CSMD1: variants seen among roughly 807,000 people sequenced by gnomAD.
CSMD1 encodes the protein CUB and sushi domain-containing protein 1.
CSMD1 carries 213 observed loss-of-function variants against 417.5 expected under a neutral mutation model. That is an observed-to-expected ratio of 0.51 (90% CI 0.46 to 0.57). The LOEUF is 0.57. Ranked by LOEUF, CSMD1 falls within the 20% of genes least tolerant of loss-of-function variation. The pLI is 0.00. For synonymous variants in CSMD1, 2,862 were observed against 1,736.8 expected (o/e 1.65, Z -16.11); for missense variants, 6,923 against 4,529.7 (o/e 1.53, Z -15.17).
chr8:2,996,276 G>C (rs990961407), intron 54 of CSMD1, among the ~76,000 whole-genome samples: 1 of 152,084 alleles, frequency 6.6e-6, no homozygotes, highest in Non-Finnish European at 1.5e-5. Context: ...ACGTAATTTA[G>C]TAATTTACCA....
At chr8:4,708,425 G>A (rs568565852) in intron 1 of CSMD1, among the ~76,000 whole-genome samples, 8 of 152,248 alleles carry the variant, frequency 5.3e-5, no homozygotes, top group East Asian at 1.9e-4. Context: ...AAGTAAAACT[G>A]CTAATAGTTT....
At chr8:3,039,166 G>C (rs1044377503) in intron 50 of CSMD1, among the ~76,000 whole-genome samples, 1 of 151,600 alleles carries the variant, frequency 6.6e-6, no homozygotes, top group Admixed American at 6.6e-5. Flanking sequence ...TGAATTACAA[G>C]AAGGTATATT....
intron 2 of CSMD1, among the ~76,000 whole-genome samples, chr8:4,541,746 A>G (rs80303270): frequency 0.017 from 2,564 of 152,214 alleles, 60 homozygotes; most frequent in African/African-American, 0.053. Flanking sequence ...ATAAATAAAT[A>G]AATAAGATAA....
intron 4 of CSMD1, among the ~76,000 whole-genome samples, chr8:4,014,397 A>G (rs534156621): frequency 1.3e-5 from 2 of 152,322 alleles, no homozygotes; most frequent in Non-Finnish European, 2.9e-5. Flanking sequence ...AGAAGTGTGT[A>G]TGATTTAACA....
intron 5 of CSMD1, among the ~76,000 whole-genome samples, chr8:3,889,792 C>T (rs546243439): frequency 6.6e-6 from 1 of 151,876 alleles, no homozygotes. Flanking sequence ...ATATAGGTAT[C>T]CCATACTCTT....
chr8:4,795,444 G>C (rs1797926298), intron 1 of CSMD1, among the ~76,000 whole-genome samples: 2 of 151,284 alleles, frequency 1.3e-5, no homozygotes, highest in African/African-American at 2.4e-5. Context: ...GCTAACTTTT[G>C]TATTTTTAGT....
intron 3 of CSMD1, 104 bp downstream of exon 3, chr8:4,419,849 C>G: frequency 1.3e-6 from 1 of 777,056 alleles, no homozygotes; most frequent in South Asian, 1.6e-5. Context: ...CACCACGGAA[C>G]GACCTGCGAC....
rs867163024 is a variant in CSMD1, at chr8:3,572,057, T to C, written c.1344+2888A>G. Reference sequence around the variant, plus strand: ...GATGGAAAGAAATTCCACCTGTGAGTGGTATACTGAGTCGGTGTCCCTGCA... The same window carrying C: ...GATGGAAAGAAATTCCACCTGTGAGCGGTATACTGAGTCGGTGTCCCTGCA... On this transcript the variant is annotated intron_variant, in intron 10 of 69. Coordinates refer to ENST00000635120, the MANE Select transcript of CSMD1 (RefSeq NM_033225.6). 2.0e-5 allele frequency among the ~76,000 whole-genome samples: 3 copies of C among 151,944 alleles called. No homozygotes were observed. In the East Asian group the frequency reaches 5.8e-4, roughly 29 times the overall value.
At chr8:3,990,750 G>A (rs982649355) in intron 5 of CSMD1, among the ~76,000 whole-genome samples, 1 of 152,136 alleles carries the variant, frequency 6.6e-6, no homozygotes, top group Non-Finnish European at 1.5e-5. Flanking sequence ...AGAGTTGCAG[G>A]GGCACCTGCT....
intron 26 of CSMD1, among the ~76,000 whole-genome samples, chr8:3,261,250 C>T (rs1317191234): frequency 5.3e-5 from 8 of 152,258 alleles, no homozygotes; most frequent in East Asian, 1.9e-4. Flanking sequence ...AACAGAATCA[C>T]GTACGCGTTG....
chr8:4,051,780 C>G (rs988111347), intron 3 of CSMD1, among the ~76,000 whole-genome samples: 1 of 152,114 alleles, frequency 6.6e-6, no homozygotes, highest in South Asian at 2.1e-4. Flanking sequence ...TCCCAGTGTC[C>G]CAGGTGTGAT....
At chr8:3,787,068 G>C (rs1020218889) in intron 5 of CSMD1, among the ~76,000 whole-genome samples, 3 of 152,100 alleles carry the variant, frequency 2.0e-5, no homozygotes, top group Non-Finnish European at 2.9e-5. Context: ...TCTGAGTTTA[G>C]AGTGTGTTTA....
intron 2 of CSMD1, among the ~76,000 whole-genome samples, chr8:4,480,886 T>G (rs528885739): frequency 6.6e-6 from 1 of 152,174 alleles, no homozygotes; most frequent in Admixed American, 6.5e-5. Flanking sequence ...AGATCTAGAT[T>G]CCTGGGGTAC....
intron 5 of CSMD1, among the ~76,000 whole-genome samples, chr8:3,824,177 T>G (rs1045095812): frequency 4.6e-5 from 7 of 152,058 alleles, no homozygotes; most frequent in African/African-American, 1.7e-4. Flanking sequence ...TATCTATAGC[T>G]TTGGAGATGA....
At chr8:4,270,336 G>T (rs1469678620) in intron 3 of CSMD1, among the ~76,000 whole-genome samples, 1 of 151,542 alleles carries the variant, frequency 6.6e-6, no homozygotes, top group African/African-American at 2.4e-5. Context: ...AACAAACCAC[G>T]ATTCACACTC....
At chr8:4,128,791 A>G (rs569649708) in intron 3 of CSMD1, among the ~76,000 whole-genome samples, 4 of 152,238 alleles carry the variant, frequency 2.6e-5, no homozygotes, top group Non-Finnish European at 5.9e-5. Context: ...TCCTTGCTGG[A>G]TACTTATATC....
At chr8:4,016,286 G>A (rs535921734) in intron 4 of CSMD1, among the ~76,000 whole-genome samples, 2 of 152,060 alleles carry the variant, frequency 1.3e-5, no homozygotes, top group African/African-American at 4.8e-5. Context: ...AAAGATTCCA[G>A]TAGATGGAAA....
In CSMD1 at chr8:4,778,220, G is replaced by C. The variant is rs976852557; in HGVS notation, c.86-140662C>G. Among the ~76,000 whole-genome samples, 29 of 152,006 alleles carry C rather than the reference G, an allele frequency of 1.9e-4. 1 individual carries two copies. Among genetic ancestry groups the C allele is most frequent in the Admixed American group, 1.9e-3 (29 of 15,268 alleles). Reference sequence around the variant, plus strand: ...ATTACTTATGAAAATATTCAGATTTGCAATTATTAATGAATAATCTATATC... The same window carrying C: ...ATTACTTATGAAAATATTCAGATTTCCAATTATTAATGAATAATCTATATC... On this transcript the variant is annotated intron_variant, in intron 1 of 69. Transcript: ENST00000635120.
chr8:3,318,427 G>A (rs1388843493), intron 23 of CSMD1, among the ~76,000 whole-genome samples: 2 of 152,096 alleles, frequency 1.3e-5, no homozygotes, highest in Non-Finnish European at 2.9e-5. Context: ...TTTGCTAGAC[G>A]CCGAAGATAC....
Sources: allele counts gnomAD v4.1 joint callset (sites outside exome capture counted in the v4.1 genomes callset), GRCh38; gene constraint gnomAD v4.1.1; transcripts MANE v1.5; gene names NCBI Gene and HGNC (gene_info 2026-07-23, HGNC 2026-07-21).